Variants in ERO1A observed in about 807,000 individuals in gnomAD.
The protein encoded by ERO1A is ERO1-like protein alpha.
ERO1A carries 49 observed loss-of-function variants against 76.9 expected under a neutral mutation model. The ratio of observed to expected loss-of-function variants is 0.64; its 90% CI spans 0.51 to 0.81. The LOEUF (loss-of-function observed/expected upper bound fraction) is 0.81, where lower values mean the gene tolerates loss of function less well. ERO1A is among the 30% of genes least tolerant of loss of function. The probability of loss-of-function intolerance (pLI) is 0.00; values close to 1 mark genes in which losing one functional copy is unlikely to be tolerated. For synonymous variants in ERO1A, 174 were observed against 181.2 expected (o/e 0.96, Z 0.32); for missense variants, 448 against 542.1 (o/e 0.83, Z 1.72).
chr14:52,694,614 T>C (rs991971190), intron 1 of ERO1A, among the ~76,000 whole-genome samples: 1 of 152,022 alleles, frequency 6.6e-6, no homozygotes, highest in Non-Finnish European at 1.5e-5. Flanking sequence ...ATTGAAATAC[T>C]AGATACTGAA....
intron 6 of ERO1A, 80 bp downstream of exon 6, chr14:52,671,550 G>A: frequency 1.0e-6 from 1 of 960,854 alleles, no homozygotes; most frequent in Non-Finnish European, 1.6e-6. Flanking sequence ...ACACCACCAT[G>A]CCCAGATTAA....
intron 15 of ERO1A, among the ~76,000 whole-genome samples, chr14:52,645,205 A>G (rs1028504525): frequency 6.6e-6 from 1 of 152,112 alleles, no homozygotes; most frequent in East Asian, 1.9e-4. Flanking sequence ...GGATAAAAAA[A>G]CTGCTTTTAA....
In ERO1A at chr14:52,695,458, CA is replaced by C; in HGVS notation, c.23del (p.Leu8CysfsTer72). 6.5e-7 allele frequency: 1 copy of C among 1,540,194 alleles called. No individual in the cohort carries two copies. Among genetic ancestry groups the C allele is most frequent in the Non-Finnish European group, 8.8e-7 (1 of 1,142,786 alleles). MGRGWGF[L>X]FGLLGAVWLL... is the part of the protein sequence containing the mutation. ...GCCACACGGCGCCCAGGAGGCCAAA[CA>C]AGAATCCCCAGCCGCGGCCCATTGC... On this transcript the variant is annotated frameshift_variant, in exon 1 of 16. Transcript: ENST00000395686. LOFTEE classifies it high-confidence loss of function.
At chr14:52,665,231 G>A (rs2040371405) in intron 7 of ERO1A, among the ~76,000 whole-genome samples, 1 of 151,046 alleles carries the variant, frequency 6.6e-6, no homozygotes, top group Non-Finnish European at 1.5e-5. Context: ...GAACCTGGGA[G>A]GCAGAGGTTG....
intron 15 of ERO1A, among the ~76,000 whole-genome samples, chr14:52,643,950 C>T (rs896991632): frequency 1.3e-5 from 2 of 151,926 alleles, no homozygotes; most frequent in Non-Finnish European, 2.9e-5. Flanking sequence ...ACAGCCTGGA[C>T]AACACAGGGA....
At chr14:52,682,282 G>T in intron 3 of ERO1A, 43 bp downstream of exon 3, 2 of 1,391,986 alleles carry the variant, frequency 1.4e-6, no homozygotes, top group Non-Finnish European at 2.0e-6. Flanking sequence ...TATAATGAAT[G>T]AAAAAACATG....
In ERO1A at chr14:52,640,770, A is replaced by G. The variant is rs1238566066; in HGVS notation, c.*2800T>C. On this transcript the variant is annotated 3_prime_UTR_variant, in exon 16 of 16. Transcript: ENST00000395686. ...TGGAGGAGAGGAATGAGCCTAGAAAACTTAGAATATAATGGTTCTAAAATT... is the reference window on the plus strand; with the variant it reads ...TGGAGGAGAGGAATGAGCCTAGAAAGCTTAGAATATAATGGTTCTAAAATT... The G allele has an allele frequency of 6.6e-6, 1 of 152,182 alleles. No homozygotes were observed. Among genetic ancestry groups the G allele is most frequent in the Non-Finnish European group, 1.5e-5 (1 of 68,034 alleles). 9.4% of individuals were successfully genotyped at this position (152,182 alleles called of 1,614,324 possible). A position where few individuals can be genotyped will look rare whatever the true frequency, so the allele number is the denominator to read the frequency against.
At chr14:52,678,211 C>A in intron 4 of ERO1A, 1 of 335,970 alleles carries the variant, frequency 3.0e-6, no homozygotes, top group Non-Finnish European at 5.3e-6. Context: ...TTGCAGTGAG[C>A]CAAGATCACG....
intron 6 of ERO1A, 32 bp downstream of exon 6, chr14:52,671,598 A>G: frequency 6.7e-7 from 1 of 1,492,350 alleles, no homozygotes; most frequent in Non-Finnish European, 9.2e-7. Flanking sequence ...GTATAATTTT[A>G]AACACAATGC....
intron 1 of ERO1A, among the ~76,000 whole-genome samples, chr14:52,695,021 C>A (rs964373266): frequency 3.9e-5 from 6 of 152,192 alleles, no homozygotes; most frequent in Non-Finnish European, 8.8e-5. Flanking sequence ...TGAGAAAGAT[C>A]CAGGTTCTGT....
intron 4 of ERO1A, among the ~76,000 whole-genome samples, chr14:52,675,402 G>A (rs143507202): frequency 6.6e-6 from 1 of 152,054 alleles, no homozygotes. Flanking sequence ...AAAAAAGGTG[G>A]TGGAATCTAG....
At chr14:52,684,370 A>G (rs2041108557) in intron 1 of ERO1A, among the ~76,000 whole-genome samples, 1 of 152,102 alleles carries the variant, frequency 6.6e-6, no homozygotes, top group Non-Finnish European at 1.5e-5. Context: ...GTTGGCAAAG[A>G]GAGGAAAAGT....
chr14:52,657,603 A>G (rs1394499835), intron 11 of ERO1A, among the ~76,000 whole-genome samples: 1 of 152,214 alleles, frequency 6.6e-6, no homozygotes, highest in Admixed American at 6.5e-5. Context: ...GTTCTGATAC[A>G]ACAATATCTA....
At chr14:52,682,759 C>A (rs1041511925) in intron 2 of ERO1A, among the ~76,000 whole-genome samples, 10 of 151,332 alleles carry the variant, frequency 6.6e-5, no homozygotes, top group Non-Finnish European at 1.0e-4. Flanking sequence ...ATTAGCGAGG[C>A]CTGGTGGCAG....
At chr14:52,669,257 CATT>C (rs1323594945) in intron 6 of ERO1A, among the ~76,000 whole-genome samples, 5 of 152,094 alleles carry the variant, frequency 3.3e-5, no homozygotes, top group Admixed American at 2.0e-4. Flanking sequence ...AGAAATGAAT[CATT>C]GATTCTCACC....
intron 8 of ERO1A, among the ~76,000 whole-genome samples, chr14:52,661,536 G>A (rs1249278981): frequency 6.6e-6 from 1 of 152,132 alleles, no homozygotes; most frequent in Admixed American, 6.5e-5. Flanking sequence ...TACATAAAGA[G>A]GTTCAGCTCA....
At chr14:52,651,294 A>C (rs2039858561) in intron 13 of ERO1A, among the ~76,000 whole-genome samples, 1 of 152,048 alleles carries the variant, frequency 6.6e-6, no homozygotes, top group African/African-American at 2.4e-5. Flanking sequence ...TCTCAATAAT[A>C]ATAAAAAAAG....
rs2039514445 is a variant in ERO1A at position 52,642,638 on chromosome 14, G to T, written c.*932C>A. 1 of 152,352 alleles carries T rather than the reference G, an allele frequency of 6.6e-6. No homozygotes were observed. The highest frequency in any genetic ancestry group is 2.4e-5 in the African/African-American group (1 of 41,380). The allele number at this position is 152,352 out of a possible 1,614,324, so 9.4% of individuals were successfully genotyped here. A position where few individuals can be genotyped will look rare whatever the true frequency, so the allele number is the denominator to read the frequency against. ...TTCAAATGATTGAGGAAAAATTTGT[G>T]TGTGTGTGTGTGTGTACAGAGAAAG... is the stretch of plus-strand genomic sequence containing the variant. On this transcript the variant is annotated 3_prime_UTR_variant, in exon 16 of 16. Transcript: ENST00000395686.
chr14:52,682,395 C>G lies in ERO1A; in HGVS notation c.248G>C (p.Arg83Thr). The change falls in exon 3 of 16, where the codon AGG (arginine) becomes ACG (threonine). Residue 83 changes from arginine (R) to threonine (T), a missense_variant. Coordinates refer to ENST00000395686, the MANE Select transcript of ERO1A (RefSeq NM_014584.3). ...YFRYYKVNLK[R>T]PCPFWNDISQ... ...GATGTCATTCCAGAAAGGACACGGC[C>G]TCTTCAGGTTTACCTGTAAAATAAT... 6.2e-7 allele frequency: 1 copy of G among 1,609,084 alleles called. No individual in the cohort carries two copies. Among genetic ancestry groups the G allele is most frequent in the Non-Finnish European group, 8.5e-7 (1 of 1,176,990 alleles).
Sources: gnomAD v4.1 joint callset for allele counts (sites outside exome capture counted in the v4.1 genomes callset) on GRCh38, gnomAD v4.1.1 for gene constraint, MANE v1.5 for transcripts, NCBI Gene and HGNC (gene_info 2026-07-23, HGNC 2026-07-21) for gene names.